The following IQSEC1 variants were observed in gnomAD, a reference collection of about 807,000 sequenced individuals.
IQSEC1 encodes IQ motif and Sec7 domain ArfGEF 1.
A neutral mutation model predicts 91.0 loss-of-function variants in IQSEC1; 31 were observed. That is an observed-to-expected ratio of 0.34 (90% CI 0.26 to 0.46). The LOEUF (loss-of-function observed/expected upper bound fraction) is 0.46. IQSEC1 is among the 20% of genes least tolerant of loss of function. The pLI is 1.00. For synonymous variants in IQSEC1, 699 were observed against 662.6 expected (o/e 1.05, Z -0.84); for missense variants, 1,388 against 1,575.6 (o/e 0.88, Z 2.02).
chr3:13,068,001 G>C (rs1380911444), intron 1 of IQSEC1, among the ~76,000 whole-genome samples: 1 of 152,244 alleles, frequency 6.6e-6, no homozygotes, highest in Non-Finnish European at 1.5e-5. Context: ...GGCCCAGCCT[G>C]CTTGCTGGCC....
At chr3:13,263,431 G>GTT (rs1219792597) in intron 1 of IQSEC1, among the ~76,000 whole-genome samples, 6 of 129,538 alleles carry the variant, frequency 4.6e-5, no homozygotes, top group African/African-American at 1.1e-4. Flanking sequence ...TTTTTTTGGG[G>GTT]GGGGGGGGAA....
chr3:12,915,796 T>A (rs867926931), intron 6 of IQSEC1, 63 bp from the exon 7 acceptor site: 4 of 1,585,802 alleles, frequency 2.5e-6, no homozygotes, highest in African/African-American at 1.3e-5. Flanking sequence ...TACCAGTTTC[T>A]AAAGCAAATC....
rs555186637 is a variant in IQSEC1, at chr3:12,935,422, C to T, written c.1568+26G>A. 1.9e-6 allele frequency: 3 copies of T among 1,590,282 alleles called. No homozygotes were observed. The highest frequency in any genetic ancestry group is 1.3e-5 in the African/African-American group (1 of 74,748). The stretch of plus-strand genomic sequence containing the variant: ...GGCCCAGCAAGCCACAGCTGCCCAC[C>T]CTGAGGGGTCACCCATGGTACTCAC... On this transcript the variant is annotated intron_variant, in intron 3 of 13. Transcript: ENST00000613206. This position sits in a 1 kb window ranked among gnomAD's most constrained non-coding sequence, Gnocchi z 8.0.
Position 13,193,611 on chromosome 3 carries a change from C to T in IQSEC1, c.273-29478G>A, listed in dbSNP as rs1342345105. On this transcript the variant is annotated intron_variant, in intron 1 of 15. Transcript: ENST00000648114. This position sits in a 1 kb window ranked among gnomAD's most constrained non-coding sequence, Gnocchi z 4.2. ...GTTTAGGGGGTGAGGAGAGAAGTAT[C>T]ATGAGTTCAGTTTGGGGTGTGCCAA... Among the ~76,000 whole-genome samples the T allele has an allele frequency of 6.6e-6, 1 of 152,160 alleles. No homozygotes were observed. Among genetic ancestry groups the T allele is most frequent in the African/African-American group, 2.4e-5 (1 of 41,444 alleles).
chr3:12,902,683 A>C (rs1286642798), intron 13 of IQSEC1, 90 bp downstream of exon 13: 15 of 658,458 alleles, frequency 2.3e-5, no homozygotes, highest in Non-Finnish European at 3.8e-5. Context: ...AAAAAAAAAA[A>C]AAAAAAAAAA....
chr3:13,172,004 A>C (rs1187681259), intron 1 of IQSEC1, among the ~76,000 whole-genome samples: 3 of 152,180 alleles, frequency 2.0e-5, no homozygotes, highest in African/African-American at 7.2e-5. Context: ...GCCTGGGCTA[A>C]GCTCAGTGCA....
At chr3:12,932,665 C>T (rs1575954322) in intron 3 of IQSEC1, among the ~76,000 whole-genome samples, 1 of 152,252 alleles carries the variant, frequency 6.6e-6, no homozygotes, top group East Asian at 1.9e-4. Context: ...CAGCTGCCAT[C>T]CACTGCACAA....
At chr3:13,145,092 G>A (rs72658708) in intron 2 of IQSEC1, among the ~76,000 whole-genome samples, 2 of 152,172 alleles carry the variant, frequency 1.3e-5, no homozygotes, top group Admixed American at 6.5e-5. Flanking sequence ...AGGGTGGGGG[G>A]GCTGGCATGA....
In IQSEC1 at chr3:13,259,751, C is replaced by T. The variant is rs148776132; in HGVS notation, c.272+22960G>A. Among the ~76,000 whole-genome samples, 662 of 152,360 alleles carry T rather than the reference C, an allele frequency of 4.3e-3. 5 individuals carry two copies. Among genetic ancestry groups the T allele is most frequent in the African/African-American group, 0.014 (586 of 41,586 alleles). ...AGCCTCCAATGCTTACCTCCACCTG[C>T]TTCCACCTCTGGTCATCCACAGATG... On this transcript the variant is annotated intron_variant, in intron 1 of 15. Coordinates refer to the IQSEC1 transcript ENST00000648114. This position sits in a 1 kb window ranked among gnomAD's most constrained non-coding sequence, Gnocchi z 4.6.
At chr3:13,037,732 C>T (rs1282770898) in intron 1 of IQSEC1, among the ~76,000 whole-genome samples, 1 of 152,122 alleles carries the variant, frequency 6.6e-6, no homozygotes, top group Non-Finnish European at 1.5e-5. Flanking sequence ...AACCTTGAGG[C>T]CACTCTGCTA....
intron 1 of IQSEC1, among the ~76,000 whole-genome samples, chr3:12,951,623 G>A (rs529601124): frequency 1.3e-5 from 2 of 152,290 alleles, no homozygotes; most frequent in African/African-American, 4.8e-5. Flanking sequence ...AGCCTGGCAC[G>A]CAGTTCTAGG....
chr3:12,900,526 G>C lies in IQSEC1; in HGVS notation c.*457C>G, dbSNP rs1017210216. 2 of 941,622 alleles carry C rather than the reference G, an allele frequency of 2.1e-6. No individual in the cohort carries two copies. The highest frequency in any genetic ancestry group is 2.5e-6 in the Non-Finnish European group (2 of 790,092). 58.3% of individuals were successfully genotyped at this position (941,622 alleles called of 1,614,324 possible). ...TACGTATTTTCATCAACCATATCAG[G>C]TCTACTTATTTTTTTGCCCATTGTC... On this transcript the variant is annotated 3_prime_UTR_variant, in exon 14 of 14. Coordinates refer to ENST00000613206, the MANE Select transcript of IQSEC1 (RefSeq NM_001134382.3).
At chr3:13,277,135 A>C (rs962368171) in intron 1 of IQSEC1, among the ~76,000 whole-genome samples, 1 of 136,284 alleles carries the variant, frequency 7.3e-6, no homozygotes, top group African/African-American at 2.7e-5. Context: ...AAAAAAAAAA[A>C]AACAGAAAAC....
intron 1 of IQSEC1, among the ~76,000 whole-genome samples, chr3:13,226,715 G>A (rs1165030673): frequency 6.6e-6 from 1 of 152,206 alleles, no homozygotes; most frequent in Non-Finnish European, 1.5e-5. Context: ...TCATGGAAAA[G>A]TCAACGCTTC....
intron 1 of IQSEC1, among the ~76,000 whole-genome samples, chr3:13,171,752 A>G (rs1188701574): frequency 6.6e-6 from 1 of 152,164 alleles, no homozygotes; most frequent in Non-Finnish European, 1.5e-5. Context: ...CTTAAAATAA[A>G]ACCAAATCCT....
At chr3:13,064,470 T>C (rs1362417950) in intron 1 of IQSEC1, among the ~76,000 whole-genome samples, 2 of 152,180 alleles carry the variant, frequency 1.3e-5, no homozygotes, top group Non-Finnish European at 2.9e-5. Context: ...TAATTTGTCA[T>C]GTTAATCGTG....
chr3:13,266,975 G>A (rs1695502929), intron 1 of IQSEC1, among the ~76,000 whole-genome samples: 1 of 151,696 alleles, frequency 6.6e-6, no homozygotes, highest in South Asian at 2.1e-4. Flanking sequence ...CACATAAGAG[G>A]CTCCATAACC....
intron 1 of IQSEC1, among the ~76,000 whole-genome samples, chr3:13,035,031 C>T (rs534615512): frequency 1.3e-5 from 2 of 152,394 alleles, no homozygotes; most frequent in African/African-American, 4.8e-5. Context: ...TCCTCCTCCA[C>T]TGACATCCCA....
At chr3:13,072,547 C>T (rs1016822590) in intron 1 of IQSEC1, among the ~76,000 whole-genome samples, 1 of 152,234 alleles carries the variant, frequency 6.6e-6, no homozygotes, top group African/African-American at 2.4e-5. Flanking sequence ...CCTTCACCTG[C>T]CCTTGGAGGA....
Sources: allele counts gnomAD v4.1 joint callset (sites outside exome capture counted in the v4.1 genomes callset), GRCh38; gene constraint gnomAD v4.1.1; non-coding constraint Gnocchi (gnomAD v3.1); transcripts MANE v1.5; gene names NCBI Gene and HGNC (gene_info 2026-07-23, HGNC 2026-07-21).